The following DPP10 variants were observed in gnomAD, a reference collection of about 807,000 sequenced individuals.
DPP10 encodes inactive dipeptidyl peptidase 10.
Under a neutral mutation model 120.9 loss-of-function variants are expected in DPP10, and 33 were observed. The observed-to-expected ratio is 0.27, with a 90% CI of 0.21 to 0.37. The LOEUF (loss-of-function observed/expected upper bound fraction) is 0.37, where lower values mean the gene tolerates loss of function less well. Among genes scored for constraint, DPP10 ranks in the 10% least tolerant of loss-of-function variants. DPP10 has a pLI of 1.00. For missense variants in DPP10, 816 were observed against 942.8 expected, an observed-to-expected ratio of 0.87 and a Z score of 1.76; for synonymous variants, 337 against 326.1, an observed-to-expected ratio of 1.03 and a Z score of -0.36.
chr2:115,536,915 A>G (rs1232321033), intron 5 of DPP10, among the ~76,000 whole-genome samples: 1 of 152,072 alleles, frequency 6.6e-6, no homozygotes, highest in Non-Finnish European at 1.5e-5. Flanking sequence ...ACTAGGATTA[A>G]TAGATGAGTA....
chr2:115,512,717 A>C (rs2077298512), intron 4 of DPP10, among the ~76,000 whole-genome samples: 1 of 151,990 alleles, frequency 6.6e-6, no homozygotes, highest in Admixed American at 6.6e-5. Context: ...GCCTTCCATT[A>C]TTGATTTTTA....
chr2:114,819,303 C>G (rs2106350666), intron 1 of DPP10, among the ~76,000 whole-genome samples: 1 of 150,952 alleles, frequency 6.6e-6, no homozygotes, highest in South Asian at 2.1e-4. Context: ...CAGTGCTATT[C>G]TGACCTAGCT....
intron 1 of DPP10, among the ~76,000 whole-genome samples, chr2:114,555,273 G>A (rs1688198545): frequency 6.6e-6 from 1 of 152,252 alleles, no homozygotes; most frequent in Non-Finnish European, 1.5e-5. Context: ...ATCAAAATTG[G>A]TTAGACTGAA....
chr2:115,590,431 C>A (rs1395773525), intron 5 of DPP10, among the ~76,000 whole-genome samples: 1 of 151,972 alleles, frequency 6.6e-6, no homozygotes, highest in African/African-American at 2.4e-5. Context: ...GGTTTTCTGT[C>A]CTTGCGATAG....
chr2:114,545,237 G>A (rs893356535), intron 1 of DPP10, among the ~76,000 whole-genome samples: 10 of 151,922 alleles, frequency 6.6e-5, no homozygotes, highest in Non-Finnish European at 1.2e-4. Context: ...GAGATTTTGT[G>A]TATTTAATTA....
chr2:114,557,113 A>G (rs560908305), intron 1 of DPP10, among the ~76,000 whole-genome samples: 1 of 152,140 alleles, frequency 6.6e-6, no homozygotes, highest in African/African-American at 2.4e-5. Flanking sequence ...ATATGTAATC[A>G]TAAAGAGGTG....
At chr2:115,588,033 T>C (rs527693800) in intron 5 of DPP10, among the ~76,000 whole-genome samples, 4 of 152,330 alleles carry the variant, frequency 2.6e-5, no homozygotes, top group African/African-American at 9.6e-5. Flanking sequence ...ACTATTATAC[T>C]TTTTAAAAAC....
At chr2:114,493,756 G>T (rs1403482621) in intron 1 of DPP10, among the ~76,000 whole-genome samples, 6 of 152,102 alleles carry the variant, frequency 3.9e-5, no homozygotes, top group South Asian at 2.1e-4. Flanking sequence ...TCGCTGAGAG[G>T]TTTACAGGTC....
At position 115,648,669 on chromosome 2, in the gene DPP10, T is replaced by A. The variant is rs72826497; in HGVS notation, c.442-41018T>A. On this transcript the variant is annotated intron_variant, in intron 5 of 25. Coordinates refer to ENST00000410059, the MANE Select transcript of DPP10 (RefSeq NM_020868.6). Reference sequence around the variant, plus strand: ...ACAATTTTTGTCAATTGAAAAAATTTAATAAAACTTAGCCTAGGGTATTCT... The same window carrying A: ...ACAATTTTTGTCAATTGAAAAAATTAAATAAAACTTAGCCTAGGGTATTCT... Among the ~76,000 whole-genome samples the A allele has an allele frequency of 6.7e-3, 1,016 of 151,962 alleles. 5 individuals carry two copies. Among genetic ancestry groups the A allele is most frequent in the Non-Finnish European group, 0.011 (739 of 67,970 alleles).
chr2:114,522,467 G>A (rs189267311), intron 1 of DPP10, among the ~76,000 whole-genome samples: 1 of 152,172 alleles, frequency 6.6e-6, no homozygotes, highest in Admixed American at 6.5e-5. Flanking sequence ...CATTGAATTG[G>A]TATTGAATCT....
intron 1 of DPP10, among the ~76,000 whole-genome samples, chr2:114,854,593 A>G (rs750101825): frequency 9.2e-5 from 14 of 152,170 alleles, no homozygotes; most frequent in Non-Finnish European, 2.1e-4. Flanking sequence ...GAGGGCATAT[A>G]TCACCTTGGG....
chr2:115,332,566 C>T (rs936357005), intron 2 of DPP10, among the ~76,000 whole-genome samples: 36 of 152,250 alleles, frequency 2.4e-4, no homozygotes, highest in African/African-American at 8.4e-4. Flanking sequence ...GCATTTAGTG[C>T]TATGAATTTC....
chr2:114,859,187 A>G (rs1040872852), intron 1 of DPP10, among the ~76,000 whole-genome samples: 6 of 151,778 alleles, frequency 4.0e-5, no homozygotes, highest in Admixed American at 3.3e-4. Context: ...GAAAAAAAGA[A>G]CAAACAAACA....
At chr2:115,486,377 T>C (rs1302051457) in intron 3 of DPP10, among the ~76,000 whole-genome samples, 1 of 152,182 alleles carries the variant, frequency 6.6e-6, no homozygotes, top group East Asian at 1.9e-4. Flanking sequence ...AACATGTTTG[T>C]CAATTGGACA....
At chr2:115,759,836 C>T (rs1402767693) in intron 11 of DPP10, among the ~76,000 whole-genome samples, 2 of 151,946 alleles carry the variant, frequency 1.3e-5, no homozygotes, top group Non-Finnish European at 2.9e-5. Context: ...CATGGAGAAA[C>T]CCCGTCCCTA....
chr2:115,070,572 G>GGC, intron 1 of DPP10, among the ~76,000 whole-genome samples: 1 of 152,090 alleles, frequency 6.6e-6, no homozygotes, highest in South Asian at 2.1e-4. Context: ...AACTGTCATT[G>GGC]ATCAGACACA....
At chr2:114,710,884 A>C (rs1700983749) in intron 1 of DPP10, among the ~76,000 whole-genome samples, 1 of 152,246 alleles carries the variant, frequency 6.6e-6, no homozygotes, top group African/African-American at 2.4e-5. Context: ...GGGTTGTTCC[A>C]GATGACAAAG....
intron 1 of DPP10, among the ~76,000 whole-genome samples, chr2:114,778,645 A>C (rs912201890): frequency 2.6e-5 from 4 of 152,002 alleles, no homozygotes; most frequent in Non-Finnish European, 5.9e-5. Flanking sequence ...TAAAGAAATC[A>C]TGGAAGCTTG....
chr2:115,510,179 C>T (rs1009938492), intron 4 of DPP10, among the ~76,000 whole-genome samples: 6 of 152,054 alleles, frequency 3.9e-5, no homozygotes, highest in Non-Finnish European at 7.4e-5. Flanking sequence ...TCTTTTGATG[C>T]ACCAGATTTA....
Sources: gnomAD v4.1 joint callset for allele counts (sites outside exome capture counted in the v4.1 genomes callset) on GRCh38, gnomAD v4.1.1 for gene constraint, MANE v1.5 for transcripts, NCBI Gene and HGNC (gene_info 2026-07-23, HGNC 2026-07-21) for gene names.